Variants in TOP3B observed in about 807,000 individuals in gnomAD.
The protein encoded by TOP3B is DNA topoisomerase III beta.
A neutral mutation model predicts 93.9 loss-of-function variants in TOP3B; 45 were observed. The ratio of observed to expected loss-of-function variants is 0.48; its 90% CI spans 0.38 to 0.61. The LOEUF (loss-of-function observed/expected upper bound fraction) is 0.61, where lower values mean the gene tolerates loss of function less well. Ranked by LOEUF, TOP3B falls within the 20% of genes least tolerant of loss-of-function variation. The probability of loss-of-function intolerance (pLI) is 0.00; values close to 1 mark genes in which losing one functional copy is unlikely to be tolerated. For synonymous variants in TOP3B, 357 were observed against 472.6 expected (o/e 0.76, Z 3.17); for missense variants, 750 against 1,156.1 (o/e 0.65, Z 5.09).
rs766633622 is a variant in TOP3B, at chr22:21,974,501, A to G, written c.71-13T>C. ...GAGGACAGGCTCCCTGGGGATGAGG[A>G]AGCACAAAGTGACTGGCTGCTTCAG... On this transcript the variant is annotated splice_polypyrimidine_tract_variant and intron_variant, in intron 2 of 17. Transcript: ENST00000357179. 11 of 1,592,912 alleles carry G rather than the reference A, an allele frequency of 6.9e-6. No individual in the cohort carries two copies. In the South Asian group the frequency reaches 1.2e-4, roughly 18 times the overall value.
chr22:21,974,567 C>A (rs1461568818), intron 2 of TOP3B, 79 bp from the exon 3 acceptor site: 3 of 1,459,834 alleles, frequency 2.1e-6, no homozygotes, highest in Non-Finnish European at 2.8e-6. Flanking sequence ...CCGGATGCCA[C>A]CTCCCAGAGG....
chr22:21,959,213 C>T lies in TOP3B; in HGVS notation c.1824G>A (p.Glu608=). ...TGGCCGCCAGGGGCGAGAAAGACAC[C>T]TCCATCAACTCATCCATGCCTGCGG... The part of the protein sequence containing the change: ...DSIAGMDELM[E]VSFSPLAATG... The change falls in exon 16 of 18, where the codon GAG becomes GAA. Residue 608 remains glutamate (E), a synonymous_variant. Transcript: ENST00000357179. The T allele has an allele frequency of 6.2e-7, 1 of 1,613,222 alleles. No individual in the cohort carries two copies. Among genetic ancestry groups the T allele is most frequent in the African/African-American group, 1.3e-5 (1 of 75,062 alleles).
chr22:21,964,502 T>C (rs1036146218), intron 9 of TOP3B, 187 bp from the exon 10 acceptor site: 16 of 646,072 alleles, frequency 2.5e-5, no homozygotes, highest in Non-Finnish European at 4.0e-5. Context: ...CAGTCTTGTA[T>C]GAGGCTGAAT....
intron 17 of TOP3B, chr22:21,958,127 G>A (rs1373192259): frequency 4.8e-6 from 6 of 1,252,994 alleles, no homozygotes; most frequent in Non-Finnish European, 6.1e-6. Flanking sequence ...CCAGTAATGA[G>A]GACGAGGATG....
intron 1 of TOP3B, chr22:21,982,165 G>A (rs1250460110): frequency 6.6e-6 from 1 of 152,196 alleles, no homozygotes; most frequent in East Asian, 1.9e-4. Flanking sequence ...TTCAAAAGGT[G>A]AGAAGATAAA....
At position 21,964,206 on chromosome 22, in the gene TOP3B, C is replaced by T. The variant is rs2071321400; in HGVS notation, c.1053G>A (p.Lys351=). The T allele has an allele frequency of 1.2e-6, 2 of 1,614,192 alleles. No homozygotes were observed. Among genetic ancestry groups the T allele is most frequent in the East Asian group, 4.5e-5 (2 of 44,874 alleles). ...TTHYPENFDL[K]GSLRQQANHP... is the part of the protein sequence containing the mutation. ...GGTTGGCCTGCTGCCGCAGAGAGCC[C>T]TTCAGGTCAAAGTTCTCAGGGTAGT... The change falls in exon 10 of 18, where the codon AAG becomes AAA. Residue 351 remains lysine, a synonymous_variant. Coordinates refer to ENST00000357179, the MANE Select transcript of TOP3B (RefSeq NM_001282112.2).
At chr22:21,972,882 T>C (rs2071701158) in intron 3 of TOP3B, 164 bp from the exon 4 acceptor site, 1 of 646,280 alleles carries the variant, frequency 1.5e-6, no homozygotes, top group Admixed American at 2.4e-5. Context: ...AGGATGTGGG[T>C]TCAGGCCTTT....
At chr22:21,961,187 C>G (rs933069912) in intron 13 of TOP3B, 1 of 152,322 alleles carries the variant, frequency 6.6e-6, no homozygotes, top group African/African-American at 2.4e-5. Flanking sequence ...GCTAAGGAGC[C>G]TGCCGAGGGC....
intron 2 of TOP3B, chr22:21,975,336 C>A (rs2071818723): frequency 3.7e-6 from 1 of 273,344 alleles, no homozygotes; most frequent in African/African-American, 2.2e-5. Context: ...GCTGCGTCTC[C>A]TTCCTTCCAG....
chr22:21,975,905 C>T (rs1181662537), intron 1 of TOP3B, 98 bp from the exon 2 acceptor site: 3 of 824,830 alleles, frequency 3.6e-6, no homozygotes, highest in Non-Finnish European at 3.2e-6. Flanking sequence ...CAAGACCAAC[C>T]TGAGGCAAGA....
At chr22:21,960,116 C>G in intron 14 of TOP3B, 1 of 776,300 alleles carries the variant, frequency 1.3e-6, no homozygotes, top group Non-Finnish European at 2.0e-6. Flanking sequence ...CACATCTGTT[C>G]AGCCTTCAAA....
At position 21,968,572 on chromosome 22, in the gene TOP3B, G is replaced by A. The variant is rs774728389; in HGVS notation, c.738+47C>T. 4.4e-6 allele frequency: 7 copies of A among 1,605,964 alleles called. No homozygotes were observed. In the South Asian group the frequency reaches 7.7e-5, roughly 18 times the overall value. ...ATGATGGAAGACTCTCAGAATCCATGCCCCAAACCCAGAAAGCCCCAGCAT... is the reference window on the plus strand; with the variant it reads ...ATGATGGAAGACTCTCAGAATCCATACCCCAAACCCAGAAAGCCCCAGCAT... On this transcript the variant is annotated intron_variant, in intron 7 of 17. Transcript: ENST00000357179.
At chr22:21,980,673 A>AT (rs2084610441) in intron 1 of TOP3B, among the ~76,000 whole-genome samples, 1 of 152,230 alleles carries the variant, frequency 6.6e-6, no homozygotes, top group Admixed American at 6.5e-5. Flanking sequence ...TCTCTGGCCC[A>AT]TGACAGCTCC....
At chr22:21,979,755 CGT>C (rs2084579255) in intron 1 of TOP3B, among the ~76,000 whole-genome samples, 1 of 151,830 alleles carries the variant, frequency 6.6e-6, no homozygotes, top group East Asian at 1.9e-4. Context: ...TCCTGACTAA[CGT>C]GGTGAAACCC....
intron 13 of TOP3B, 85 bp downstream of exon 13, chr22:21,962,344 G>C (rs572658576): frequency 1.2e-6 from 2 of 1,603,486 alleles, no homozygotes; most frequent in Non-Finnish European, 1.7e-6. Context: ...GGGCACACAG[G>C]GCTGGCGGGG....
Position 21,967,831 on chromosome 22 carries a change from G to A in TOP3B, c.739-115C>T, listed in dbSNP as rs2145853965. On this transcript the variant is annotated intron_variant, in intron 7 of 17. Coordinates refer to ENST00000357179, the MANE Select transcript of TOP3B (RefSeq NM_001282112.2). ...CCTTGTCTGGGAGCCAAATAGCCCT[G>A]GCTGTAATGGCTCACAGCTGTACCT... is the stretch of plus-strand genomic sequence containing the variant. 5 of 745,630 alleles carry A rather than the reference G, an allele frequency of 6.7e-6. No homozygotes were observed. In the South Asian group the frequency reaches 7.9e-5, roughly 12 times the overall value. 46.2% of individuals were successfully genotyped at this position (745,630 alleles called of 1,614,324 possible).
Position 21,978,579 on chromosome 22 carries a change from C to T in TOP3B, c.-98-2772G>A, listed in dbSNP as rs141683576. Among the ~76,000 whole-genome samples the T allele has an allele frequency of 9.4e-4, 143 of 151,982 alleles. 1 individual carries two copies. The highest frequency in any genetic ancestry group is 2.6e-3 in the Admixed American group (39 of 15,270). On this transcript the variant is annotated intron_variant, in intron 1 of 17. Transcript: ENST00000357179. ...TGTGGAAGGAGCCCAGGCTGGGGGT[C>T]GGGAGATGAGGAGCTAGCAGGGTGA...
At position 21,971,785 on chromosome 22, in the gene TOP3B, G is replaced by T; in HGVS notation, c.384+92C>A. 3 of 1,137,362 alleles carry T rather than the reference G, an allele frequency of 2.6e-6. No individual in the cohort carries two copies. The highest frequency in any genetic ancestry group is 2.7e-6 in the Non-Finnish European group (2 of 750,968). 70.5% of individuals were successfully genotyped at this position (1,137,362 alleles called of 1,614,324 possible). ...CCGGTACAGTTTACTCCCTCCTTTG[G>T]CCCCAGGAGTGATGTGACTGACTGC... is the stretch of plus-strand genomic sequence containing the variant. On this transcript the variant is annotated intron_variant, in intron 5 of 17. Coordinates refer to ENST00000357179, the MANE Select transcript of TOP3B (RefSeq NM_001282112.2). The surrounding 1 kb of genome is among the most constrained non-coding windows in gnomAD (Gnocchi z 4.6).
Position 21,972,428 on chromosome 22 carries a change from C to T in TOP3B, c.309+184G>A, listed in dbSNP as rs2145868196. On this transcript the variant is annotated intron_variant, in intron 4 of 17. Coordinates refer to ENST00000357179, the MANE Select transcript of TOP3B (RefSeq NM_001282112.2). ...CAGGACTGAGGGTTGGCAATGGCAA[C>T]TGCCTTGTGTGTTGGGGGTGCCTGC... 5 of 554,912 alleles carry T rather than the reference C, an allele frequency of 9.0e-6. No homozygotes were observed. In the East Asian group the frequency reaches 1.5e-4, roughly 17 times the overall value. The allele number at this position is 554,912 out of a possible 1,614,324, so 34.4% of individuals were successfully genotyped here. A position where few individuals can be genotyped will look rare whatever the true frequency, so the allele number is the denominator to read the frequency against.
Sources: allele counts gnomAD v4.1 joint callset (sites outside exome capture counted in the v4.1 genomes callset), GRCh38; gene constraint gnomAD v4.1.1; non-coding constraint Gnocchi (gnomAD v3.1); transcripts MANE v1.5; gene names NCBI Gene and HGNC (gene_info 2026-07-23, HGNC 2026-07-21).